The following DAPK1 variants were observed in gnomAD, a reference collection of about 807,000 sequenced individuals.
DAPK1 encodes the protein death associated protein kinase 1.
A neutral mutation model predicts 144.9 loss-of-function variants in DAPK1; 56 were observed. That is an observed-to-expected ratio of 0.39 (90% CI 0.31 to 0.48). DAPK1 has a LOEUF of 0.48. Among genes scored for constraint, DAPK1 ranks in the 20% least tolerant of loss-of-function variants. The probability of loss-of-function intolerance (pLI) is 0.95; values close to 1 mark genes in which losing one functional copy is unlikely to be tolerated. For missense variants in DAPK1, 1,454 were observed against 1,875.4 expected, an observed-to-expected ratio of 0.78 and a Z score of 4.15; for synonymous variants, 690 against 749.0, an observed-to-expected ratio of 0.92 and a Z score of 1.29.
intron 2 of DAPK1, among the ~76,000 whole-genome samples, chr9:87,581,938 G>A (rs1827765317): frequency 6.6e-6 from 1 of 152,172 alleles, no homozygotes; most frequent in Admixed American, 6.5e-5. Context: ...CATTTTAACT[G>A]AAATTTAATT....
intron 2 of DAPK1, among the ~76,000 whole-genome samples, chr9:87,526,762 C>A (rs1297719559): frequency 6.6e-6 from 1 of 152,122 alleles, no homozygotes; most frequent in Non-Finnish European, 1.5e-5. Context: ...GTGGTGTCGC[C>A]GTGCCCAAGT....
At chr9:87,557,362 C>T (rs955304018) in intron 2 of DAPK1, among the ~76,000 whole-genome samples, 1 of 152,192 alleles carries the variant, frequency 6.6e-6, no homozygotes, top group Non-Finnish European at 1.5e-5. Flanking sequence ...TTCTACGTTT[C>T]ACCCACTGCC....
chr9:87,694,554 C>T (rs1374936468), intron 21 of DAPK1, among the ~76,000 whole-genome samples: 1 of 152,164 alleles, frequency 6.6e-6, no homozygotes, highest in Admixed American at 6.5e-5. Flanking sequence ...CAGCCATATG[C>T]GGCCAGCTGG....
chr9:87,508,497 C>T lies in DAPK1; in HGVS notation c.62+9358C>T, dbSNP rs531618861. 2.5e-3 allele frequency among the ~76,000 whole-genome samples: 377 copies of T among 152,146 alleles called. 1 individual carries two copies. The highest frequency in any genetic ancestry group is 6.9e-3 in the African/African-American group (287 of 41,506). ...AGCTGGGACTACAGGTGCCCGCCAC[C>T]ACACCTGGCTAATTTTTGGTATTTT... On this transcript the variant is annotated intron_variant, in intron 2 of 25. Coordinates refer to ENST00000408954, the MANE Select transcript of DAPK1 (RefSeq NM_004938.4).
intron 15 of DAPK1, among the ~76,000 whole-genome samples, chr9:87,649,108 T>C (rs3118870): frequency 0.63 from 96,387 of 152,086 alleles, 30,886 homozygotes; most frequent in East Asian, 0.81. Context: ...GCATTCAATC[T>C]GCTGAACAGC....
chr9:87,631,485 G>A (rs1354131195), intron 3 of DAPK1, among the ~76,000 whole-genome samples: 1 of 152,126 alleles, frequency 6.6e-6, no homozygotes, highest in Non-Finnish European at 1.5e-5. Context: ...CAGCTCTCTT[G>A]GTGAAAACAG....
At chr9:87,544,821 A>G (rs1422764905) in intron 2 of DAPK1, among the ~76,000 whole-genome samples, 1 of 152,220 alleles carries the variant, frequency 6.6e-6, no homozygotes, top group Non-Finnish European at 1.5e-5. Context: ...CCCAAAATGC[A>G]GGAAGAAAGA....
intron 19 of DAPK1, among the ~76,000 whole-genome samples, chr9:87,674,665 G>A (rs114866467): frequency 2.0e-5 from 3 of 152,080 alleles, no homozygotes; most frequent in Non-Finnish European, 2.9e-5. Flanking sequence ...CTGCATTTGC[G>A]TAATTAAAAG....
chr9:87,688,287 C>T (rs1198282758), intron 21 of DAPK1, among the ~76,000 whole-genome samples: 1 of 152,164 alleles, frequency 6.6e-6, no homozygotes, highest in Non-Finnish European at 1.5e-5. Context: ...TTTTTTATGG[C>T]TTCATAGTAT....
At chr9:87,624,061 G>T (rs1185580468) in intron 3 of DAPK1, among the ~76,000 whole-genome samples, 1 of 152,200 alleles carries the variant, frequency 6.6e-6, no homozygotes, top group Non-Finnish European at 1.5e-5. Context: ...GCACTCCAAA[G>T]CTTCTTGATG....
At chr9:87,550,480 C>A (rs1563987904) in intron 2 of DAPK1, among the ~76,000 whole-genome samples, 1 of 152,212 alleles carries the variant, frequency 6.6e-6, no homozygotes, top group Non-Finnish European at 1.5e-5. Context: ...AGTTCTTTGC[C>A]TTGTGGCAGC....
rs36228013 is a variant in DAPK1 at position 87,499,062 on chromosome 9, G to A, written c.-16G>A. The A allele has an allele frequency of 2.2e-5, 36 of 1,613,848 alleles. 1 individual carries two copies. The East Asian group carries it at 3.6e-4, about 16-fold the overall frequency. Reference sequence around the variant, plus strand: ...GCTGAAGTGCCCTGGGCTTTGGTGAGGCGTGACAGTTTATCATGACCGTGT... The same window carrying A: ...GCTGAAGTGCCCTGGGCTTTGGTGAAGCGTGACAGTTTATCATGACCGTGT... On this transcript the variant is annotated 5_prime_UTR_variant, in exon 2 of 26. Transcript: ENST00000408954.
At chr9:87,542,760 A>G (rs959596135) in intron 2 of DAPK1, among the ~76,000 whole-genome samples, 1 of 152,192 alleles carries the variant, frequency 6.6e-6, no homozygotes, top group Non-Finnish European at 1.5e-5. Context: ...TCTGAGTCCG[A>G]GATTAATGCC....
intron 16 of DAPK1, 138 bp downstream of exon 16, chr9:87,650,256 C>A: frequency 1.3e-6 from 1 of 779,574 alleles, no homozygotes; most frequent in Non-Finnish European, 2.1e-6. Flanking sequence ...CTTCTCTGTT[C>A]CAAAGATTCT....
chr9:87,668,639 G>A lies in DAPK1; in HGVS notation c.1966G>A (p.Glu656Lys), dbSNP rs765242689. Residue 656 changes from glutamate to lysine, a missense_variant, in exon 19 of 26, where the codon GAG (glutamate) becomes AAG (lysine). By Grantham distance (56) the Glu-to-Lys change is moderately conservative. Around this residue, in one of 2 missense-constraint regions of DAPK1, gnomAD observed 1,025 missense variants for 1,237.9 expected, o/e 0.83. Transcript: ENST00000408954. ...AEDLARSEQH[E>K]HVAGLLARLR... The stretch of plus-strand genomic sequence containing the variant: ...AGATCTTGCTAGATCGGAACAGCAC[G>A]AGCACGTAGCAGGTCTCCTTGCAAG... The A allele has an allele frequency of 6.8e-6, 10 of 1,477,910 alleles. No homozygotes were observed. Among genetic ancestry groups the A allele is most frequent in the Admixed American group, 3.3e-5 (2 of 59,868 alleles). The allele number at this position is 1,477,910 out of a possible 1,614,324, so 91.5% of individuals were successfully genotyped here. A position where few individuals can be genotyped will look rare whatever the true frequency, so the allele number is the denominator to read the frequency against.
intron 2 of DAPK1, among the ~76,000 whole-genome samples, chr9:87,541,576 A>G (rs919583423): frequency 7.9e-5 from 12 of 151,720 alleles, no homozygotes; most frequent in African/African-American, 2.7e-4. Context: ...AAGATGGAGA[A>G]AGACTTTATA....
rs537784811 is a variant in DAPK1 at position 87,539,560 on chromosome 9, G to T, written c.62+40421G>T. Among the ~76,000 whole-genome samples, 39 of 151,692 alleles carry T rather than the reference G, an allele frequency of 2.6e-4. No individual in the cohort carries two copies. In the East Asian group the frequency reaches 7.0e-3, roughly 27 times the overall value. On this transcript the variant is annotated intron_variant, in intron 2 of 25. Transcript: ENST00000408954. ...TTCTCCTGCCTCAGCTGGGATTACG[G>T]GTGCCTGCCACCACATCTGGCTAAT...
At position 87,640,578 on chromosome 9, in the gene DAPK1, A is replaced by T. The variant is rs531375803; in HGVS notation, c.782+128A>T. Reference sequence around the variant, plus strand: ...TTCATCTGCCAAAGGGCAGCATGCCATGTGAAACGCTTCAGAAAATGCAAG... The same window carrying T: ...TTCATCTGCCAAAGGGCAGCATGCCTTGTGAAACGCTTCAGAAAATGCAAG... On this transcript the variant is annotated intron_variant, in intron 8 of 25. Coordinates refer to ENST00000408954, the MANE Select transcript of DAPK1 (RefSeq NM_004938.4). The T allele has an allele frequency of 5.4e-5, 63 of 1,157,538 alleles. 2 individuals are homozygous for T. The East Asian group carries it at 1.5e-3, about 28-fold the overall frequency. 71.7% of individuals were successfully genotyped at this position (1,157,538 alleles called of 1,614,324 possible).
At chr9:87,636,800 A>G (rs1829910189) in intron 3 of DAPK1, among the ~76,000 whole-genome samples, 1 of 152,254 alleles carries the variant, frequency 6.6e-6, no homozygotes, top group Admixed American at 6.5e-5. Flanking sequence ...TTGTGAATAT[A>G]TGGTTAAACT....
Sources: allele counts gnomAD v4.1 joint callset (sites outside exome capture counted in the v4.1 genomes callset), GRCh38; gene constraint gnomAD v4.1.1; regional missense constraint gnomAD v4.1.1; transcripts MANE v1.5; gene names NCBI Gene and HGNC (gene_info 2026-07-23, HGNC 2026-07-21).